EEPD1: variants seen among roughly 807,000 people sequenced by gnomAD.
EEPD1 encodes the protein endonuclease/exonuclease/phosphatase family domain containing 1.
A neutral mutation model predicts 46.3 loss-of-function variants in EEPD1; 17 were observed. The observed-to-expected ratio is 0.37, with a 90% CI of 0.25 to 0.55. The LOEUF (loss-of-function observed/expected upper bound fraction) is 0.55. Ranked by LOEUF, EEPD1 falls within the 20% of genes least tolerant of loss-of-function variation. EEPD1 has a pLI of 0.83. For missense variants in EEPD1, 673 were observed against 745.6 expected, an observed-to-expected ratio of 0.90 and a Z score of 1.13; for synonymous variants, 313 against 315.6, an observed-to-expected ratio of 0.99 and a Z score of 0.09.
At chr7:36,190,111 C>A (rs1038825759) in intron 2 of EEPD1, among the ~76,000 whole-genome samples, 2 of 152,182 alleles carry the variant, frequency 1.3e-5, no homozygotes, top group Non-Finnish European at 2.9e-5. Context: ...GTGGCTCACA[C>A]CTATAATCCC....
chr7:36,176,538 A>G (rs1583788535), intron 2 of EEPD1, among the ~76,000 whole-genome samples: 2 of 152,314 alleles, frequency 1.3e-5, no homozygotes, highest in East Asian at 3.9e-4. Context: ...CATGCAGGTA[A>G]AGTATTCTCA....
Position 36,197,275 on chromosome 7 carries a change from G to T in EEPD1, c.879-41710G>T, listed in dbSNP as rs868693454. On this transcript the variant is annotated intron_variant, in intron 2 of 7. Transcript: ENST00000242108. The stretch of plus-strand genomic sequence containing the variant: ...AGGCCCCCGCCCGGGCAGCCGCCCC[G>T]TCCGGGAGGGAGGTGGGGGGGTCAG... Among the ~76,000 whole-genome samples the T allele has an allele frequency of 2.1e-5, 3 of 145,222 alleles. No homozygotes were observed. The East Asian group carries it at 6.0e-4, about 29-fold the overall frequency.
intron 6 of EEPD1, among the ~76,000 whole-genome samples, chr7:36,293,783 G>A (rs1315382381): frequency 6.6e-6 from 1 of 152,128 alleles, no homozygotes; most frequent in African/African-American, 2.4e-5. Context: ...GGCCAACATG[G>A]TGAAACCCCA....
intron 2 of EEPD1, among the ~76,000 whole-genome samples, chr7:36,170,091 A>G (rs944195555): frequency 6.6e-5 from 10 of 152,118 alleles, no homozygotes; most frequent in Non-Finnish European, 1.2e-4. Context: ...CACAAATGAC[A>G]TTTTCTATGT....
intron 2 of EEPD1, among the ~76,000 whole-genome samples, chr7:36,173,434 G>C (rs1785125223): frequency 6.6e-6 from 1 of 151,534 alleles, no homozygotes; most frequent in East Asian, 1.9e-4. Context: ...AGGAGGTGGA[G>C]GTTGCAGTGA....
At chr7:36,238,829 G>A (rs879360637) in intron 2 of EEPD1, among the ~76,000 whole-genome samples, 156 bp from the exon 3 acceptor site, 4 of 152,112 alleles carry the variant, frequency 2.6e-5, no homozygotes, top group Non-Finnish European at 5.9e-5. Flanking sequence ...TTTCAAAACG[G>A]TCATTTTGAT....
chr7:36,289,778 G>A (rs1405193377), intron 6 of EEPD1, among the ~76,000 whole-genome samples: 1 of 152,224 alleles, frequency 6.6e-6, no homozygotes, highest in African/African-American at 2.4e-5. Context: ...ACAGGCGTGA[G>A]CCACAGCGCC....
At chr7:36,298,947 G>T in intron 7 of EEPD1, 60 bp from the exon 8 acceptor site, 1 of 1,577,714 alleles carries the variant, frequency 6.3e-7, no homozygotes. Flanking sequence ...GCCAATCCAG[G>T]ACCTCCCGCA....
chr7:36,248,157 A>G (rs1218175920), intron 3 of EEPD1, among the ~76,000 whole-genome samples: 1 of 152,086 alleles, frequency 6.6e-6, no homozygotes, highest in African/African-American at 2.4e-5. Flanking sequence ...TTGGTGTCCA[A>G]ATGAATTACT....
intron 2 of EEPD1, chr7:36,228,937 T>C (rs979091684): frequency 1.3e-5 from 2 of 152,298 alleles, no homozygotes; most frequent in African/African-American, 4.8e-5. Context: ...GCCCCTGGCC[T>C]CCGGGCCCTG....
chr7:36,156,329 G>A (rs1451295169), intron 2 of EEPD1, among the ~76,000 whole-genome samples: 2 of 152,178 alleles, frequency 1.3e-5, no homozygotes, highest in African/African-American at 4.8e-5. Flanking sequence ...ATCACTGAGA[G>A]AGGGACTCCA....
intron 6 of EEPD1, among the ~76,000 whole-genome samples, chr7:36,289,981 C>T (rs764782502): frequency 6.6e-6 from 1 of 152,200 alleles, no homozygotes; most frequent in Non-Finnish European, 1.5e-5. Flanking sequence ...CCGTGACCAA[C>T]GTTCTACTTT....
chr7:36,183,669 C>T (rs968318093), intron 2 of EEPD1, among the ~76,000 whole-genome samples: 1 of 152,046 alleles, frequency 6.6e-6, no homozygotes, highest in African/African-American at 2.4e-5. Flanking sequence ...CTTGTAGAGG[C>T]TTTGTATTCT....
Position 36,300,157 on chromosome 7 carries a change from A to C in EEPD1, c.*951A>C, listed in dbSNP as rs1787597332. 6.6e-6 allele frequency: 1 copy of C among 152,306 alleles called. No homozygotes were observed. The highest frequency in any genetic ancestry group is 1.5e-5 in the Non-Finnish European group (1 of 68,088). The allele number at this position is 152,306 out of a possible 1,614,324, so 9.4% of individuals were successfully genotyped here. ...GACTATCAGGAATGTGTGCTGTGTC[A>C]GGATACATAGGAAGTTGACCTCGGG... On this transcript the variant is annotated 3_prime_UTR_variant, in exon 8 of 8. Coordinates refer to ENST00000242108, the MANE Select transcript of EEPD1 (RefSeq NM_030636.3).
chr7:36,170,710 T>C (rs1161609071), intron 2 of EEPD1, among the ~76,000 whole-genome samples: 1 of 152,142 alleles, frequency 6.6e-6, no homozygotes, highest in Non-Finnish European at 1.5e-5. Flanking sequence ...TCTATAAAAA[T>C]GCTGTGTTCT....
intron 2 of EEPD1, among the ~76,000 whole-genome samples, chr7:36,220,469 A>G (rs1358933494): frequency 6.6e-6 from 1 of 152,042 alleles, no homozygotes; most frequent in African/African-American, 2.4e-5. Context: ...ACCAAAAAGA[A>G]CCTCATGGAA....
At chr7:36,207,901 T>G (rs201043107) in intron 2 of EEPD1, among the ~76,000 whole-genome samples, 2,451 of 151,336 alleles carry the variant, frequency 0.016, 69 homozygotes, top group African/African-American at 0.057. Context: ...TTTTTTTTTT[T>G]TTTTTTTTTT....
chr7:36,167,284 C>A (rs1785001234), intron 2 of EEPD1, among the ~76,000 whole-genome samples: 2 of 152,172 alleles, frequency 1.3e-5, no homozygotes, highest in East Asian at 3.8e-4. Context: ...AAAAATTACC[C>A]AGGGGTTTCC....
At position 36,170,333 on chromosome 7, in the gene EEPD1, CG is replaced by C. The variant is rs576149712; in HGVS notation, c.878+15134del. ...CTGAGGCAGGAGAATCGCTTGAACC[CG>C]GGAGGCAGAGGTTGCAGTGAGCTGA... On this transcript the variant is annotated intron_variant, in intron 2 of 7. Transcript: ENST00000242108. 1.3e-4 allele frequency among the ~76,000 whole-genome samples: 20 copies of C among 152,078 alleles called. No homozygotes were observed. The East Asian group carries it at 3.5e-3, about 26-fold the overall frequency.
Sources: gnomAD v4.1 joint callset for allele counts (sites outside exome capture counted in the v4.1 genomes callset) on GRCh38, gnomAD v4.1.1 for gene constraint, MANE v1.5 for transcripts, NCBI Gene and HGNC (gene_info 2026-07-23, HGNC 2026-07-21) for gene names.